Variants in ADGRG6 observed in about 807,000 individuals in gnomAD.
ADGRG6 encodes G-protein coupled receptor 126.
Under a neutral mutation model 142.4 loss-of-function variants are expected in ADGRG6, and 84 were observed. The observed-to-expected ratio is 0.59, with a 90% CI of 0.49 to 0.71. The LOEUF (loss-of-function observed/expected upper bound fraction) is 0.71, where lower values mean the gene tolerates loss of function less well. ADGRG6 is among the 30% of genes least tolerant of loss of function. ADGRG6 has a pLI of 0.00. For synonymous variants in ADGRG6, 521 were observed against 520.5 expected, an observed-to-expected ratio of 1.00 and a Z score of -0.01; for missense variants, 1,367 against 1,466.6, an observed-to-expected ratio of 0.93 and a Z score of 1.11.
chr6:142,437,517 C>G lies in ADGRG6; in HGVS notation c.3403C>G (p.Arg1135Gly). ...WRQHLCCGRF[R>G]LADNSDWSKT... is the part of the protein sequence containing the mutation. ...GCAGCATCTCTGCTGTGGTAGATTT[C>G]GGTTAGCAGATAACTCAGGTAAAGA... is the stretch of plus-strand genomic sequence containing the variant. Residue 1135 changes from arginine to glycine, a missense_variant, in exon 23 of 25, where the codon CGG becomes GGG. Physicochemically the swap from Arg to Gly is moderately radical, Grantham distance 125 (BLOSUM62 -2). Transcript: ENST00000367609. The G allele has an allele frequency of 3.3e-6, 5 of 1,516,064 alleles. No homozygotes were observed. Among genetic ancestry groups the G allele is most frequent in the Non-Finnish European group, 4.6e-6 (5 of 1,090,588 alleles). 93.9% of individuals were successfully genotyped at this position (1,516,064 alleles called of 1,614,324 possible). A position where few individuals can be genotyped will look rare whatever the true frequency, so the allele number is the denominator to read the frequency against.
intron 22 of ADGRG6, among the ~76,000 whole-genome samples, chr6:142,426,319 G>A (rs1776942294): frequency 6.6e-6 from 1 of 152,134 alleles, no homozygotes; most frequent in Admixed American, 6.6e-5. Context: ...GGAGAAATTG[G>A]CCAAAATAAA....
intron 1 of ADGRG6, among the ~76,000 whole-genome samples, chr6:142,303,365 C>T (rs1314518102): frequency 6.6e-6 from 1 of 152,154 alleles, no homozygotes; most frequent in Non-Finnish European, 1.5e-5. Context: ...CTGCACTTTC[C>T]ATTCCCTACT....
chr6:142,345,335 A>G (rs1334743186), intron 2 of ADGRG6, among the ~76,000 whole-genome samples: 9 of 152,096 alleles, frequency 5.9e-5, no homozygotes, highest in African/African-American at 2.2e-4. Flanking sequence ...GTCATAGTCA[A>G]GGCTGTTCTG....
intron 7 of ADGRG6, among the ~76,000 whole-genome samples, chr6:142,391,938 G>A (rs1583080413): frequency 6.6e-6 from 1 of 151,854 alleles, no homozygotes; most frequent in East Asian, 1.9e-4. Context: ...TAAGGTATAA[G>A]CTTACATTTA....
chr6:142,315,368 G>GAA (rs143784910), intron 2 of ADGRG6, among the ~76,000 whole-genome samples: 11 of 145,328 alleles, frequency 7.6e-5, no homozygotes, highest in Admixed American at 1.4e-4. Flanking sequence ...AAAGAAGATG[G>GAA]AAAAAAAAAA....
chr6:142,391,852 C>A (rs1231801892), intron 7 of ADGRG6, among the ~76,000 whole-genome samples: 1 of 151,682 alleles, frequency 6.6e-6, no homozygotes, highest in Admixed American at 6.6e-5. Context: ...AAATAAGCTA[C>A]TGTTAGCTTA....
chr6:142,331,135 TA>T (rs397975741), intron 2 of ADGRG6, among the ~76,000 whole-genome samples: 2,971 of 141,452 alleles, frequency 0.021, 35 homozygotes, highest in Middle Eastern at 0.033. Flanking sequence ...AGAAAAGAGT[TA>T]AAAAAAAAAA....
chr6:142,403,965 T>C lies in ADGRG6; in HGVS notation c.2119T>C (p.Tyr707His), dbSNP rs956415528. 2 of 1,604,310 alleles carry C rather than the reference T, an allele frequency of 1.2e-6. No individual in the cohort carries two copies. Among genetic ancestry groups the C allele is most frequent in the African/African-American group, 2.7e-5 (2 of 74,794 alleles). The change falls in exon 14 of 25, where the codon TAT (tyrosine) becomes CAT (histidine). Residue 707 changes from tyrosine to histidine, a missense_variant. By Grantham distance (83) the Tyr-to-His change is moderately conservative (BLOSUM62 2). Coordinates refer to ENST00000367609, the MANE Select transcript of ADGRG6 (RefSeq NM_198569.3). The stretch of plus-strand genomic sequence containing the variant: ...TGGTCTTCCAAGCAATAATGAATCG[T>C]ATTTCCAGGTAATGAGCCAGTGGTT... ...SIGLPSNNES[Y>H]FQMDFESGQV... is the part of the protein sequence containing the mutation.
chr6:142,408,381 G>A, intron 16 of ADGRG6, 112 bp downstream of exon 16: 1 of 690,402 alleles, frequency 1.4e-6, no homozygotes. Flanking sequence ...GTGGAGTAGG[G>A]CCCAGTTTTC....
Position 142,302,030 on chromosome 6 carries a change from A to G in ADGRG6, c.-300A>G, listed in dbSNP as rs1461907968. 4.0e-6 allele frequency: 2 copies of G among 499,178 alleles called. No homozygotes were observed. The highest frequency in any genetic ancestry group is 2.0e-5 in the African/African-American group (1 of 50,342). The allele number at this position is 499,178 out of a possible 1,614,324, so 30.9% of individuals were successfully genotyped here. On this transcript the variant is annotated 5_prime_UTR_variant, in exon 1 of 25. Coordinates refer to ENST00000367609, the MANE Select transcript of ADGRG6 (RefSeq NM_198569.3). ...GCCCGGTCTCCTCAGCACCAGCCCC[A>G]CGCACACCCTACTTCCTCAGCTTCT...
At chr6:142,313,675 T>C (rs1777880010) in intron 2 of ADGRG6, among the ~76,000 whole-genome samples, 1 of 152,158 alleles carries the variant, frequency 6.6e-6, no homozygotes, top group Non-Finnish European at 1.5e-5. Flanking sequence ...GTAAAAAGAA[T>C]CTTGTGCTTT....
chr6:142,378,782 GCAAAGTT>G (rs777842189), intron 4 of ADGRG6, among the ~76,000 whole-genome samples: 32 of 152,240 alleles, frequency 2.1e-4, no homozygotes, highest in Non-Finnish European at 3.7e-4. Flanking sequence ...AAATCCCAAT[GCAAAGTT>G]AAAGGTCTTC....
At chr6:142,303,227 T>C (rs1777314769) in intron 1 of ADGRG6, among the ~76,000 whole-genome samples, 1 of 152,162 alleles carries the variant, frequency 6.6e-6, no homozygotes, top group South Asian at 2.1e-4. Flanking sequence ...CTAACTCATG[T>C]ACAACAATTT....
intron 6 of ADGRG6, among the ~76,000 whole-genome samples, chr6:142,388,875 C>T (rs1215688820): frequency 6.6e-6 from 1 of 152,032 alleles, no homozygotes; most frequent in Admixed American, 6.5e-5. Flanking sequence ...CCTTGCAATT[C>T]TGAATTTCCT....
intron 2 of ADGRG6, among the ~76,000 whole-genome samples, chr6:142,326,030 T>A (rs1663923752): frequency 6.6e-6 from 1 of 152,054 alleles, no homozygotes; most frequent in Admixed American, 6.6e-5. Flanking sequence ...ATAATTATAA[T>A]GTAGAAATAC....
chr6:142,413,040 T>TAC (rs1776168690), intron 18 of ADGRG6, among the ~76,000 whole-genome samples: 1 of 151,800 alleles, frequency 6.6e-6, no homozygotes. Context: ...TATATATATA[T>TAC]ATATGTGAAG....
chr6:142,403,644 A>T (rs1224724607), intron 13 of ADGRG6, among the ~76,000 whole-genome samples, 158 bp from the exon 14 acceptor site: 2 of 152,214 alleles, frequency 1.3e-5, no homozygotes, highest in Non-Finnish European at 2.9e-5. Flanking sequence ...AACAGATATC[A>T]CTGTGGATTG....
intron 4 of ADGRG6, among the ~76,000 whole-genome samples, chr6:142,373,144 A>T (rs1781333705): frequency 6.6e-6 from 1 of 152,188 alleles, no homozygotes; most frequent in African/African-American, 2.4e-5. Context: ...TCTCTTAATT[A>T]GTAAGTAGCC....
chr6:142,387,994 C>T (rs1292609025), intron 6 of ADGRG6, among the ~76,000 whole-genome samples: 5 of 152,206 alleles, frequency 3.3e-5, no homozygotes, highest in South Asian at 4.1e-4. Context: ...TTTAAAACAC[C>T]GTGAGTGTTG....
Sources: allele counts gnomAD v4.1 joint callset (sites outside exome capture counted in the v4.1 genomes callset), GRCh38; gene constraint gnomAD v4.1.1; transcripts MANE v1.5; gene names NCBI Gene and HGNC (gene_info 2026-07-23, HGNC 2026-07-21).